The following MTSS1 variants were observed in gnomAD, a reference collection of about 807,000 sequenced individuals.
MTSS1 encodes MTSS I-BAR domain containing 1, also known as protein MTSS 1.
In MTSS1, 18 loss-of-function variants were observed where a neutral mutation model predicts 79.0. The observed-to-expected ratio is 0.23, with a 90% confidence interval of 0.16 to 0.34. The LOEUF is 0.34. Ranked by LOEUF, MTSS1 falls within the 10% of genes least tolerant of loss-of-function variation. The probability of loss-of-function intolerance (pLI) is 1.00; values close to 1 mark genes in which losing one functional copy is unlikely to be tolerated. For missense variants in MTSS1, 815 were observed against 986.2 expected (o/e 0.83, Z 2.33); for synonymous variants, 341 against 368.6 (o/e 0.93, Z 0.86).
intron 6 of MTSS1, chr8:124,579,925 A>C (rs766024874): frequency 2.6e-5 from 4 of 152,490 alleles, no homozygotes; most frequent in Non-Finnish European, 5.9e-5. Flanking sequence ...GATCATCCAC[A>C]GAGTGAAGTT....
At chr8:124,691,888 T>C (rs1203146868) in intron 3 of MTSS1, among the ~76,000 whole-genome samples, 1 of 152,206 alleles carries the variant, frequency 6.6e-6, no homozygotes, top group Admixed American at 6.6e-5. Flanking sequence ...CAAAGAATTT[T>C]CAGTTCCAGA....
rs1328726792 is a variant in MTSS1 at position 124,648,463 on chromosome 8, C to T, written c.208+51063G>A. On this transcript the variant is annotated intron_variant, in intron 3 of 13. Transcript: ENST00000518547. The stretch of plus-strand genomic sequence containing the variant: ...TGAATTTCGTCTCACTGGAAGCTCA[C>T]TTTGCCCTCTCTCCCCTAACTCCTC... Among the ~76,000 whole-genome samples the T allele has an allele frequency of 2.0e-5, 3 of 152,214 alleles. No individual in the cohort carries two copies. The South Asian group carries it at 6.2e-4, about 32-fold the overall frequency.
intron 9 of MTSS1, among the ~76,000 whole-genome samples, 159 bp downstream of exon 9, chr8:124,565,503 A>T (rs1826204847): frequency 6.6e-6 from 1 of 152,256 alleles, no homozygotes; most frequent in South Asian, 2.1e-4. Flanking sequence ...CAGAGACTAA[A>T]GAGCAAGACC....
intron 3 of MTSS1, among the ~76,000 whole-genome samples, chr8:124,660,673 G>C (rs1186053010): frequency 2.6e-5 from 4 of 152,184 alleles, no homozygotes; most frequent in African/African-American, 7.2e-5. Flanking sequence ...GGAGGAATCA[G>C]AGCAGCCACA....
intron 1 of MTSS1, among the ~76,000 whole-genome samples, chr8:124,719,627 G>A (rs907421410): frequency 3.3e-5 from 5 of 152,186 alleles, no homozygotes; most frequent in Admixed American, 3.3e-4. Context: ...CGTATTTGAC[G>A]AATACATGTA....
chr8:124,571,293 T>C (rs1827717497), intron 6 of MTSS1, among the ~76,000 whole-genome samples: 1 of 152,224 alleles, frequency 6.6e-6, no homozygotes, highest in South Asian at 2.1e-4. Flanking sequence ...CTGTGAGTTT[T>C]CTCTTCTATT....
rs374942313 is a variant in MTSS1, at chr8:124,582,052, C to T, written c.460+3035G>A. 2.6e-4 allele frequency among the ~76,000 whole-genome samples: 40 copies of T among 152,136 alleles called. No individual in the cohort carries two copies. On this transcript the variant is annotated intron_variant, in intron 6 of 13. Coordinates refer to ENST00000518547, the MANE Select transcript of MTSS1 (RefSeq NM_014751.6). This position sits in a 1 kb window ranked among gnomAD's most constrained non-coding sequence, Gnocchi z 4.8. ...CTGCCGCCTCCGTCCCTCCACCTGT[C>T]GGCAATGCTGGCTCTGCCCCGTGCT...
intron 3 of MTSS1, among the ~76,000 whole-genome samples, chr8:124,663,687 AC>A (rs1822518167): frequency 6.6e-6 from 1 of 151,998 alleles, no homozygotes. Context: ...TCCTCTGCAG[AC>A]CCTCCAAATA....
intron 3 of MTSS1, among the ~76,000 whole-genome samples, chr8:124,595,372 A>G (rs1832578834): frequency 6.6e-6 from 1 of 152,170 alleles, no homozygotes; most frequent in African/African-American, 2.4e-5. Flanking sequence ...GTCTAATATC[A>G]GGGTGTCAGG....
intron 3 of MTSS1, among the ~76,000 whole-genome samples, chr8:124,692,569 CA>C (rs1162097903): frequency 2.6e-5 from 4 of 152,132 alleles, no homozygotes; most frequent in Non-Finnish European, 4.4e-5. Context: ...GCTGGGAACC[CA>C]AACAACCCAG....
intron 3 of MTSS1, among the ~76,000 whole-genome samples, chr8:124,593,508 T>G (rs1327644515): frequency 1.3e-5 from 2 of 152,158 alleles, no homozygotes; most frequent in African/African-American, 4.8e-5. Flanking sequence ...GGAAACAAAA[T>G]CCCATTACAG....
intron 10 of MTSS1, among the ~76,000 whole-genome samples, chr8:124,562,496 C>T (rs565673944): frequency 1.2e-4 from 17 of 138,284 alleles, no homozygotes; most frequent in African/African-American, 3.0e-4. Context: ...CTTACAGGGA[C>T]GCCTGAGAGT....
intron 3 of MTSS1, among the ~76,000 whole-genome samples, chr8:124,678,034 TC>T (rs1322548115): frequency 6.6e-6 from 1 of 152,158 alleles, no homozygotes; most frequent in Non-Finnish European, 1.5e-5. Flanking sequence ...ATATATCTTT[TC>T]CCCCAAACAT....
At chr8:124,558,819 G>T in intron 10 of MTSS1, 1 of 1,562,506 alleles carries the variant, frequency 6.4e-7, no homozygotes, top group Non-Finnish European at 8.6e-7. Context: ...GGAGGAGGCC[G>T]AGCTGGACGA....
chr8:124,719,303 A>T lies in MTSS1; in HGVS notation c.72+8581T>A, dbSNP rs527621929. 2.0e-5 allele frequency among the ~76,000 whole-genome samples: 3 copies of T among 152,352 alleles called. No homozygotes were observed. In the South Asian group the frequency reaches 6.2e-4, roughly 32 times the overall value. On this transcript the variant is annotated intron_variant, in intron 1 of 13. Transcript: ENST00000518547. ...AAGATTAAATAAGTTTGTGTCAAGC[A>T]CTTAGCATAGTGCCTGGTTTGCATA...
chr8:124,665,867 CAA>C lies in MTSS1; in HGVS notation c.208+33657_208+33658del, dbSNP rs61669209. On this transcript the variant is annotated intron_variant, in intron 3 of 13. Transcript: ENST00000518547. Reference sequence around the variant, plus strand: ...GGGCAATACGAGTGAAACTCCTTCTCAAAAAAAAAAAAAAAAAAATCTGGCCC... The same window carrying C: ...GGGCAATACGAGTGAAACTCCTTCTCAAAAAAAAAAAAAAAAATCTGGCCC... Among the ~76,000 whole-genome samples, 920 of 102,836 alleles carry C rather than the reference CAA, an allele frequency of 8.9e-3. 12 individuals carry two copies. Among genetic ancestry groups the C allele is most frequent in the African/African-American group, 0.029 (845 of 29,178 alleles). The allele number at this position is 102,836 out of a possible 152,430, so 67.5% of individuals were successfully genotyped here.
chr8:124,645,177 G>A (rs1197251012), intron 3 of MTSS1, among the ~76,000 whole-genome samples: 3 of 152,012 alleles, frequency 2.0e-5, no homozygotes, highest in Admixed American at 6.6e-5. Context: ...AGACTAGCCC[G>A]GAAAACATGG....
chr8:124,717,404 G>A (rs1309833540), intron 1 of MTSS1, among the ~76,000 whole-genome samples: 16 of 152,232 alleles, frequency 1.1e-4, no homozygotes, highest in African/African-American at 3.6e-4. Flanking sequence ...GCTGAGGCAG[G>A]AGAATCTCTT....
At chr8:124,654,914 T>C (rs1376857575) in intron 3 of MTSS1, among the ~76,000 whole-genome samples, 4 of 152,242 alleles carry the variant, frequency 2.6e-5, no homozygotes, top group African/African-American at 2.4e-5. Flanking sequence ...AGTTAGAAAG[T>C]AACACAATAG....
Sources: allele counts gnomAD v4.1 joint callset (sites outside exome capture counted in the v4.1 genomes callset), GRCh38; gene constraint gnomAD v4.1.1; non-coding constraint Gnocchi (gnomAD v3.1); transcripts MANE v1.5; gene names NCBI Gene and HGNC (gene_info 2026-07-23, HGNC 2026-07-21).